Variants in RIMBP2 observed in about 807,000 individuals in gnomAD.
RIMBP2 encodes RIMS-binding protein 2.
A neutral mutation model predicts 118.6 loss-of-function variants in RIMBP2; 48 were observed. That is an observed-to-expected ratio of 0.40 (90% confidence interval 0.32 to 0.51). RIMBP2 has a LOEUF of 0.51. RIMBP2 is among the 20% of genes least tolerant of loss of function. The pLI is 0.41. For synonymous variants in RIMBP2, 762 were observed against 742.9 expected (o/e 1.03, Z -0.42); for missense variants, 1,551 against 1,768.3 (o/e 0.88, Z 2.20).
rs181574175 is a variant in RIMBP2 at position 130,625,345 on chromosome 12, C to T, written c.-217+2977G>A. Among the ~76,000 whole-genome samples the T allele has an allele frequency of 1.5e-4, 23 of 152,206 alleles. No individual in the cohort carries two copies. The East Asian group carries it at 1.7e-3, about 11-fold the overall frequency. On this transcript the variant is annotated intron_variant, in intron 2 of 22. Transcript: ENST00000690449. Reference sequence around the variant, plus strand: ...CGAGACCTGTCTGGATGGAGGGAAACGACAGAGCCGTTGAGAATGGTCATT... The same window carrying T: ...CGAGACCTGTCTGGATGGAGGGAAATGACAGAGCCGTTGAGAATGGTCATT...
At chr12:130,614,788 G>A in intron 2 of RIMBP2, among the ~76,000 whole-genome samples, 1 of 151,590 alleles carries the variant, frequency 6.6e-6, no homozygotes, top group East Asian at 1.9e-4. Context: ...TCTATGTGTT[G>A]ACATGAAAAA....
At chr12:130,460,025 G>T (rs1172906375) in intron 6 of RIMBP2, among the ~76,000 whole-genome samples, 1 of 152,194 alleles carries the variant, frequency 6.6e-6, no homozygotes, top group Admixed American at 6.5e-5. Context: ...ACTAATCTAC[G>T]CACAGGAACT....
intron 17 of RIMBP2, among the ~76,000 whole-genome samples, chr12:130,418,502 T>C (rs2076230944): frequency 6.6e-6 from 1 of 152,156 alleles, no homozygotes; most frequent in Non-Finnish European, 1.5e-5. Context: ...GGAGATCTGC[T>C]GGAGGAACTT....
rs2074082848 is a variant in RIMBP2, at chr12:130,396,437, T to C, written c.*924A>G. 1.3e-5 allele frequency: 2 copies of C among 152,538 alleles called. No individual in the cohort carries two copies. The highest frequency in any genetic ancestry group is 4.8e-5 in the African/African-American group (2 of 41,394). 9.4% of individuals were successfully genotyped at this position (152,538 alleles called of 1,614,324 possible). On this transcript the variant is annotated 3_prime_UTR_variant, in exon 23 of 23. Coordinates refer to ENST00000690449, the MANE Select transcript of RIMBP2 (RefSeq NM_001393629.1). ...CCATCAAATACATCTGCCAGCAACT[T>C]TGTAAGTAAGTCTTTTGTTCAAATG... is the stretch of plus-strand genomic sequence containing the variant.
chr12:130,651,988 C>T (rs1236109981), intron 1 of RIMBP2, among the ~76,000 whole-genome samples: 1 of 152,216 alleles, frequency 6.6e-6, no homozygotes, highest in East Asian at 1.9e-4. Flanking sequence ...TCTACTAAAT[C>T]ATTGTGTTCT....
chr12:130,411,049 A>G (rs1472715325), intron 19 of RIMBP2, among the ~76,000 whole-genome samples: 1 of 152,212 alleles, frequency 6.6e-6, no homozygotes, highest in East Asian at 1.9e-4. Context: ...TCGGCATACA[A>G]ATACTGCACG....
rs942237014 is a variant in RIMBP2, at chr12:130,469,899, G to A, written c.153+794C>T. On this transcript the variant is annotated intron_variant, in intron 6 of 22. Coordinates refer to ENST00000690449, the MANE Select transcript of RIMBP2 (RefSeq NM_001393629.1). The surrounding 1 kb of genome is among the most constrained non-coding windows in gnomAD (Gnocchi z 4.8). ...ACACGATCCTTGACTTCGGCAGGTGGGGGCCCCAGCTCACTGTAGCCCAGC... is the reference window on the plus strand; with the variant it reads ...ACACGATCCTTGACTTCGGCAGGTGAGGGCCCCAGCTCACTGTAGCCCAGC... Among the ~76,000 whole-genome samples, 1 of 152,162 alleles carries A rather than the reference G, an allele frequency of 6.6e-6. No homozygotes were observed. Among genetic ancestry groups the A allele is most frequent in the African/African-American group, 2.4e-5 (1 of 41,434 alleles).
intron 1 of RIMBP2, among the ~76,000 whole-genome samples, chr12:130,705,886 T>C (rs921706984): frequency 2.0e-5 from 3 of 152,218 alleles, no homozygotes; most frequent in Non-Finnish European, 2.9e-5. Context: ...GATGGTTACT[T>C]CGTGCAAAAG....
Position 130,578,928 on chromosome 12 carries a change from T to C in RIMBP2, c.-217+49394A>G, listed in dbSNP as rs1352477948. Among the ~76,000 whole-genome samples the C allele has an allele frequency of 6.6e-6, 1 of 152,178 alleles. No homozygotes were observed. Among genetic ancestry groups the C allele is most frequent in the Admixed American group, 6.5e-5 (1 of 15,284 alleles). On this transcript the variant is annotated intron_variant, in intron 2 of 22. Coordinates refer to ENST00000690449, the MANE Select transcript of RIMBP2 (RefSeq NM_001393629.1). This position sits in a 1 kb window ranked among gnomAD's most constrained non-coding sequence, Gnocchi z 4.1. ...ATATTCATAGTTCTGCGGTGAAATA[T>C]GTAAATACAAATCAAGTGGGATTAA...
chr12:130,618,344 A>G (rs1427183341), intron 2 of RIMBP2, among the ~76,000 whole-genome samples: 3 of 152,186 alleles, frequency 2.0e-5, no homozygotes, highest in Non-Finnish European at 4.4e-5. Flanking sequence ...CCTTTTTTAT[A>G]GACAATGTAC....
chr12:130,611,889 A>G (rs2060577436), intron 2 of RIMBP2, among the ~76,000 whole-genome samples: 1 of 152,208 alleles, frequency 6.6e-6, no homozygotes, highest in Non-Finnish European at 1.5e-5. Flanking sequence ...AGAGGACCCC[A>G]GGTCTAAGAA....
chr12:130,516,000 C>G (rs536816096), intron 3 of RIMBP2, among the ~76,000 whole-genome samples: 1 of 152,158 alleles, frequency 6.6e-6, no homozygotes, highest in Non-Finnish European at 1.5e-5. Context: ...ACGTGACTGC[C>G]TTTTCAATTC....
At chr12:130,451,558 G>A (rs982106732) in intron 7 of RIMBP2, among the ~76,000 whole-genome samples, 2 of 152,238 alleles carry the variant, frequency 1.3e-5, no homozygotes, top group Non-Finnish European at 2.9e-5. Context: ...CCACCCTGGC[G>A]GTAACGCTGT....
intron 6 of RIMBP2, among the ~76,000 whole-genome samples, chr12:130,468,522 C>T (rs2080710988): frequency 6.6e-6 from 1 of 151,954 alleles, no homozygotes; most frequent in Non-Finnish European, 1.5e-5. Context: ...AACTCAGAGG[C>T]GTGGAAAACT....
intron 1 of RIMBP2, among the ~76,000 whole-genome samples, chr12:130,640,662 C>T (rs2062576075): frequency 6.6e-6 from 1 of 152,182 alleles, no homozygotes; most frequent in African/African-American, 2.4e-5. Context: ...CCACGGCCGG[C>T]CCAGAGGGCT....
rs536381585 is a variant in RIMBP2, at chr12:130,679,361, G to A, written c.-352+36861C>T. Among the ~76,000 whole-genome samples, 11 of 152,298 alleles carry A rather than the reference G, an allele frequency of 7.2e-5. 1 individual carries two copies. In the South Asian group the frequency reaches 2.3e-3, roughly 32 times the overall value. ...GTGTCTAGAGAACCATTTGTCCACG[G>A]GGCAGGACATAACCCACTACTCATT... On this transcript the variant is annotated intron_variant, in intron 1 of 22. Transcript: ENST00000690449.
At chr12:130,698,735 C>T (rs2065691804) in intron 1 of RIMBP2, among the ~76,000 whole-genome samples, 1 of 152,096 alleles carries the variant, frequency 6.6e-6, no homozygotes. Flanking sequence ...CAAATGGGAT[C>T]TAATTAAACT....
chr12:130,498,095 C>T (rs183684186), intron 4 of RIMBP2, among the ~76,000 whole-genome samples: 4 of 152,320 alleles, frequency 2.6e-5, no homozygotes, highest in Admixed American at 2.6e-4. Flanking sequence ...CCTCCTGCTG[C>T]TCGGTCATTC....
intron 11 of RIMBP2, among the ~76,000 whole-genome samples, chr12:130,439,770 T>G (rs888674959): frequency 5.4e-5 from 8 of 147,428 alleles, no homozygotes; most frequent in African/African-American, 1.0e-4. Flanking sequence ...TGTGTGTGTG[T>G]GTATGTGGGT....
Sources: allele counts gnomAD v4.1 joint callset (sites outside exome capture counted in the v4.1 genomes callset), GRCh38; gene constraint gnomAD v4.1.1; non-coding constraint Gnocchi (gnomAD v3.1); transcripts MANE v1.5; gene names NCBI Gene and HGNC (gene_info 2026-07-23, HGNC 2026-07-21).